Variants in MSH6 observed in about 807,000 individuals in gnomAD.
MSH6 encodes DNA mismatch repair protein Msh6.
A neutral mutation model predicts 119.1 loss-of-function variants in MSH6; 85 were observed. That is an observed-to-expected ratio of 0.71 (90% CI 0.60 to 0.85). The LOEUF (loss-of-function observed/expected upper bound fraction) is 0.85, where lower values mean the gene tolerates loss of function less well. MSH6 is among the 40% of genes least tolerant of loss of function. MSH6 has a pLI of 0.00. For synonymous variants in MSH6, 830 were observed against 586.9 expected (o/e 1.41, Z -5.99); for missense variants, 2,163 against 1,655.3 (o/e 1.31, Z -5.32).
chr2:47,802,054 GGTGCTTT>G (rs1669633332), intron 4 of MSH6, among the ~76,000 whole-genome samples: 2 of 152,180 alleles, frequency 1.3e-5, no homozygotes, highest in South Asian at 4.1e-4. Context: ...ACTGTTTCAA[GGTGCTTT>G]GTTACACTAT....
At position 47,806,877 on chromosome 2, in the gene MSH6, G is replaced by A. The variant is rs876661000; in HGVS notation, c.*17G>A. On this transcript the variant is annotated 3_prime_UTR_variant, in exon 10 of 10. Transcript: ENST00000234420. ...GAATTATAGACTGACTACATTGGAA[G>A]CTTTGAGTTGACTTCTGACAAAGGT... 5 of 1,579,738 alleles carry A rather than the reference G, an allele frequency of 3.2e-6. No homozygotes were observed. The African/African-American group carries it at 5.4e-5, about 17-fold the overall frequency.
intron 3 of MSH6, among the ~76,000 whole-genome samples, chr2:47,796,725 CT>C (rs1246452295): frequency 6.6e-6 from 1 of 152,178 alleles, no homozygotes; most frequent in Admixed American, 6.5e-5. Context: ...CTTTAGGAAG[CT>C]GAGGCAGTTG....
intron 1 of MSH6, among the ~76,000 whole-genome samples, chr2:47,789,048 C>T (rs1208002849): frequency 6.7e-6 from 1 of 149,014 alleles, no homozygotes; most frequent in Non-Finnish European, 1.5e-5. Context: ...GCTTCAGGCT[C>T]CCAAGTAGCT....
chr2:47,806,780 G>C lies in MSH6; in HGVS notation c.4003G>C (p.Glu1335Gln), dbSNP rs1572749872. 6.3e-7 allele frequency: 1 copy of C among 1,588,054 alleles called. No individual in the cohort carries two copies. The highest frequency in any genetic ancestry group is 1.7e-4 in the Middle Eastern group (1 of 5,960). The change falls in exon 10 of 10, where the codon GAA becomes CAA. Residue 1335 changes from glutamate (E) to glutamine (Q), a missense_variant and splice_region_variant. Glu to Gln is a conservative substitution (Grantham distance 29, BLOSUM62 2). Transcript: ENST00000234420. ...TTTTTTTTTTTTTTTAATTTTAAGGGAAGTTTGCCTGGCTAGTGAAAGGTC... is the reference window on the plus strand; with the variant it reads ...TTTTTTTTTTTTTTTAATTTTAAGGCAAGTTTGCCTGGCTAGTGAAAGGTC... The part of the protein sequence containing the change: ...KMNQSLRLFR[E>Q]VCLASERSTV...
At chr2:47,786,180 AG>A (rs1668335272) in intron 1 of MSH6, among the ~76,000 whole-genome samples, 1 of 152,222 alleles carries the variant, frequency 6.6e-6, no homozygotes, top group South Asian at 2.1e-4. Flanking sequence ...AAGCTGGTTC[AG>A]GAAGAGGAAG....
rs763058648 is a variant in MSH6, at chr2:47,804,914, G to C, written c.3443G>C (p.Gly1148Ala). The change falls in exon 6 of 10, where the codon GGC (glycine) becomes GCC (alanine). Residue 1148 changes from glycine (G) to alanine (A), a missense_variant. Physicochemically the swap from Gly to Ala is moderately conservative, Grantham distance 60. Coordinates refer to ENST00000234420, the MANE Select transcript of MSH6 (RefSeq NM_000179.3). ...CTTTTCCTCCCTCATTCACAGGCTG[G>C]CTTATTAGCTGTAATGGCCCAGATG... Reference protein sequence around the residue: ...GGKSTLMRQAGLLAVMAQMGC... With the variant: ...GGKSTLMRQAALLAVMAQMGC... The C allele has an allele frequency of 2.5e-6, 4 of 1,613,180 alleles. No individual in the cohort carries two copies. Among genetic ancestry groups the C allele is most frequent in the Admixed American group, 3.3e-5 (2 of 59,986 alleles).
At chr2:47,783,953 G>GA (rs892469796) in intron 1 of MSH6, 1 of 1,042,384 alleles carries the variant, frequency 9.6e-7, no homozygotes, top group East Asian at 5.7e-5. Flanking sequence ...GCCGAACGGG[G>GA]AGAGTCCGGT....
intron 2 of MSH6, among the ~76,000 whole-genome samples, chr2:47,791,902 A>C (rs1338307410): frequency 6.6e-6 from 1 of 151,806 alleles, no homozygotes; most frequent in African/African-American, 2.4e-5. Flanking sequence ...GCTGGAGTGC[A>C]ATGGCGCAAT....
intron 6 of MSH6, among the ~76,000 whole-genome samples, 156 bp downstream of exon 6, chr2:47,805,183 C>CTT (rs35781475): frequency 7.8e-5 from 11 of 141,174 alleles, no homozygotes; most frequent in African/African-American, 1.1e-4. Flanking sequence ...GTCTCTCTCT[C>CTT]TTTTTTTTTT....
In MSH6 at chr2:47,798,594, C is replaced by A. The variant is rs369971640; in HGVS notation, c.628-17C>A. The A allele has an allele frequency of 2.7e-4, 431 of 1,606,224 alleles. 3 individuals are homozygous for A. In the South Asian group the frequency reaches 4.6e-3, roughly 17 times the overall value. ...AAATTTTGATTTGTTTTTAAATACT[C>A]TTTCCTTGCCTGGCAGGTAGGCACA... On this transcript the variant is annotated splice_polypyrimidine_tract_variant and intron_variant, in intron 3 of 9. Coordinates refer to ENST00000234420, the MANE Select transcript of MSH6 (RefSeq NM_000179.3).
At chr2:47,804,738 G>A (rs1168846266) in intron 5 of MSH6, among the ~76,000 whole-genome samples, 172 bp from the exon 6 acceptor site, 1 of 152,182 alleles carries the variant, frequency 6.6e-6, no homozygotes, top group East Asian at 1.9e-4. Flanking sequence ...GTCTCTCTTA[G>A]CCTCAACTTT....
At chr2:47,803,039 G>T (rs190325380) in intron 4 of MSH6, among the ~76,000 whole-genome samples, 4 of 152,082 alleles carry the variant, frequency 2.6e-5, no homozygotes, top group African/African-American at 4.8e-5. Context: ...AGCCTCCTGC[G>T]TAGCTGGGAT....
intron 4 of MSH6, among the ~76,000 whole-genome samples, chr2:47,801,643 A>G (rs1669604373): frequency 6.6e-6 from 1 of 151,532 alleles, no homozygotes; most frequent in African/African-American, 2.4e-5. Flanking sequence ...TGCTGAGGTT[A>G]CAGGCATGAC....
At chr2:47,789,521 ATGAGACCT>A (rs1255877294) in intron 1 of MSH6, 2 of 428,334 alleles carry the variant, frequency 4.7e-6, no homozygotes, top group Admixed American at 3.2e-5. Flanking sequence ...CTTTTAAAGC[ATGAGACCT>A]CATACATCAT....
intron 2 of MSH6, among the ~76,000 whole-genome samples, chr2:47,793,271 A>C (rs1668850638): frequency 7.0e-6 from 1 of 143,866 alleles, no homozygotes; most frequent in African/African-American, 2.6e-5. Context: ...CAGTGAGTCA[A>C]GATCATGCCA....
intron 1 of MSH6, among the ~76,000 whole-genome samples, chr2:47,786,464 A>C (rs1358823616): frequency 1.3e-5 from 2 of 151,600 alleles, no homozygotes; most frequent in East Asian, 3.9e-4. Context: ...CCTCTCAAGT[A>C]CCTGGTATTA....
At position 47,806,568 on chromosome 2, in the gene MSH6, T is replaced by TAATCTCCC. The variant is rs587779295; in HGVS notation, c.3920_3927dup (p.Glu1310IlefsTer20). 6.2e-7 allele frequency: 1 copy of TAATCTCCC among 1,613,750 alleles called. No homozygotes were observed. The highest frequency in any genetic ancestry group is 8.5e-7 in the Non-Finnish European group (1 of 1,179,926). ...ATGGCTTTAATGCAGCAAGGCTTGC[T>TAATCTCCC]AATCTCCCAGAGGAAGTTATTCAAA... On this transcript the variant is annotated frameshift_variant, in exon 9 of 10. Transcript: ENST00000234420. LOFTEE classifies it high-confidence loss of function.
Position 47,799,741 on chromosome 2 carries a change from G to C in MSH6, c.1758G>C (p.Val586=), listed in dbSNP as rs1669369784. 6.2e-7 allele frequency: 1 copy of C among 1,614,136 alleles called. No homozygotes were observed. The highest frequency in any genetic ancestry group is 8.5e-7 in the Non-Finnish European group (1 of 1,180,016). The change falls in exon 4 of 10, where the codon GTG becomes GTC. Residue 586 remains valine, a synonymous_variant. Coordinates refer to ENST00000234420, the MANE Select transcript of MSH6 (RefSeq NM_000179.3). The stretch of plus-strand genomic sequence containing the variant: ...ATTGTTCGAGATTTAGGACTCTAGT[G>C]GCACACTATCCCCCAGTACAAGTTT... ...DRHCSRFRTL[V]AHYPPVQVLF...
chr2:47,789,059 G>A (rs1395944531), intron 1 of MSH6, among the ~76,000 whole-genome samples: 1 of 150,628 alleles, frequency 6.6e-6, no homozygotes, highest in East Asian at 2.0e-4. Flanking sequence ...CCAAGTAGCT[G>A]GGATTATAGG....
Sources: gnomAD v4.1 joint callset for allele counts (sites outside exome capture counted in the v4.1 genomes callset) on GRCh38, gnomAD v4.1.1 for gene constraint, MANE v1.5 for transcripts, NCBI Gene and HGNC (gene_info 2026-07-23, HGNC 2026-07-21) for gene names.